Variants in TRPC3 observed in about 807,000 individuals in gnomAD.
TRPC3 encodes short transient receptor potential channel 3.
In TRPC3, 54 loss-of-function variants were observed where a neutral mutation model predicts 90.9. That is an observed-to-expected ratio of 0.59 (90% confidence interval 0.48 to 0.75). The LOEUF (loss-of-function observed/expected upper bound fraction) is 0.75, where lower values mean the gene tolerates loss of function less well. Among genes scored for constraint, TRPC3 ranks in the 30% least tolerant of loss-of-function variants. The pLI, the probability that TRPC3 is intolerant of heterozygous loss-of-function variation, is 0.00. For missense variants in TRPC3, 918 were observed against 1,194.5 expected (o/e 0.77, Z 3.41); for synonymous variants, 424 against 450.9 (o/e 0.94, Z 0.75).
At position 121,879,634 on chromosome 4, in the gene TRPC3, T is replaced by C. The variant is rs1578589686; in HGVS notation, c.*102A>G. ...TTAAAGGTTCACATGATAAAGGTAG[T>C]TAATACTAAAAATTTACATCATAGT... On this transcript the variant is annotated 3_prime_UTR_variant, in exon 12 of 12. Transcript: ENST00000379645. 1.6e-6 allele frequency: 2 copies of C among 1,286,660 alleles called. No homozygotes were observed. The highest frequency in any genetic ancestry group is 2.8e-5 in the South Asian group (2 of 70,312). 79.7% of individuals were successfully genotyped at this position (1,286,660 alleles called of 1,614,324 possible).
chr4:121,919,077 G>C (rs948931790), intron 3 of TRPC3, among the ~76,000 whole-genome samples: 1 of 152,210 alleles, frequency 6.6e-6, no homozygotes, highest in African/African-American at 2.4e-5. Context: ...GATTCAAAGA[G>C]AGAATGCTTG....
In TRPC3 at chr4:121,875,889, ATTTTTTTTT is replaced by A. The variant is rs1163932789; in HGVS notation, c.*3838_*3846del. ...ACAAAGTTATAAATACCCATTTTAG[ATTTTTTTTT>A]TTTTTTTTTTTTTTTTTTGTGGGGG... On this transcript the variant is annotated 3_prime_UTR_variant, in exon 12 of 12. Coordinates refer to ENST00000379645, the MANE Select transcript of TRPC3 (RefSeq NM_001130698.2). 1.9e-3 allele frequency among the ~76,000 whole-genome samples: 144 copies of A among 75,128 alleles called. No individual in the cohort carries two copies. The highest frequency in any genetic ancestry group is 0.029 in the Middle Eastern group (2 of 70). The allele number at this position is 75,128 out of a possible 152,430, so 49.3% of individuals were successfully genotyped here. A position where few individuals can be genotyped will look rare whatever the true frequency, so the allele number is the denominator to read the frequency against.
Position 121,932,987 on chromosome 4 carries a change from G to C in TRPC3, c.271C>G (p.Arg91Gly), listed in dbSNP as rs781691078. The C allele has an allele frequency of 6.5e-5, 105 of 1,609,286 alleles. No individual in the cohort carries two copies. Among genetic ancestry groups the C allele is most frequent in the Non-Finnish European group, 8.9e-5 (105 of 1,177,216 alleles). ...RRMTVMREKG[R>G]RQAVRGPAFM... The stretch of plus-strand genomic sequence containing the variant: ...GCCGGGCCCCTGACAGCCTGGCGCC[G>C]GCCCTTCTCCCGCATCACTGTCATG... Residue 91 changes from arginine to glycine, a missense_variant, in exon 2 of 12, where the codon CGG (arginine) becomes GGG (glycine). Arg to Gly is a moderately radical substitution (Grantham distance 125). Coordinates refer to ENST00000379645, the MANE Select transcript of TRPC3 (RefSeq NM_001130698.2). This position sits in a 1 kb window ranked among gnomAD's most constrained non-coding sequence, Gnocchi z 7.7.
chr4:121,883,979 CAAT>C (rs1382830928), intron 10 of TRPC3, among the ~76,000 whole-genome samples: 1 of 152,148 alleles, frequency 6.6e-6, no homozygotes, highest in Non-Finnish European at 1.5e-5. Flanking sequence ...AGACATACAA[CAAT>C]GTTTGTAGCA....
intron 10 of TRPC3, among the ~76,000 whole-genome samples, chr4:121,887,751 C>T (rs1460742388): frequency 6.6e-6 from 1 of 152,156 alleles, no homozygotes; most frequent in African/African-American, 2.4e-5. Context: ...TATTTCTTAA[C>T]ATATCATAGC....
chr4:121,882,279 T>G lies in TRPC3; in HGVS notation c.2623+75A>C. The G allele has an allele frequency of 6.0e-6, 8 of 1,342,496 alleles. 1 individual carries two copies. The South Asian group carries it at 8.2e-5, about 14-fold the overall frequency. 83.2% of individuals were successfully genotyped at this position (1,342,496 alleles called of 1,614,324 possible). ...ATAACCTGGGATTGGATTTTTAAAA[T>G]ATGCCTCAACATTAAGTTTTCCAGG... On this transcript the variant is annotated intron_variant, in intron 11 of 11. Transcript: ENST00000379645.
intron 10 of TRPC3, among the ~76,000 whole-genome samples, chr4:121,898,335 G>A (rs1210111431): frequency 6.6e-6 from 1 of 152,208 alleles, no homozygotes. Flanking sequence ...TGACAGGCTG[G>A]CAAGCGAGCA....
chr4:121,949,743 A>C (rs1304213965), intron 1 of TRPC3, among the ~76,000 whole-genome samples: 1 of 152,246 alleles, frequency 6.6e-6, no homozygotes, highest in Non-Finnish European at 1.5e-5. Flanking sequence ...AGTATACCAC[A>C]ACATTTACTT....
At chr4:121,889,716 T>C (rs1429243623) in intron 10 of TRPC3, among the ~76,000 whole-genome samples, 1 of 152,194 alleles carries the variant, frequency 6.6e-6, no homozygotes, top group Non-Finnish European at 1.5e-5. Context: ...AAAATCCTAC[T>C]ACTGGGTATA....
In TRPC3 at chr4:121,913,610, T is replaced by A. The variant is rs185108680; in HGVS notation, c.1341+1170A>T. On this transcript the variant is annotated intron_variant, in intron 4 of 11. Transcript: ENST00000379645. Reference sequence around the variant, plus strand: ...TTCTAAACCTGAACTTTCCAACTCATTTCCTTCAGAAAAGAAAATTATTTG... The same window carrying A: ...TTCTAAACCTGAACTTTCCAACTCAATTCCTTCAGAAAAGAAAATTATTTG... 1.9e-3 allele frequency among the ~76,000 whole-genome samples: 294 copies of A among 152,364 alleles called. 3 individuals are homozygous for A. The highest frequency in any genetic ancestry group is 6.9e-3 in the African/African-American group (285 of 41,594).
Position 121,882,404 on chromosome 4 carries a change from C to T in TRPC3, c.2573G>A (p.Arg858Gln). 1.9e-6 allele frequency: 3 copies of T among 1,610,214 alleles called. No individual in the cohort carries two copies. Among genetic ancestry groups the T allele is most frequent in the Non-Finnish European group, 2.5e-6 (3 of 1,178,504 alleles). Reference protein sequence around the residue: ...YQQIMKRLIKRYVLKAQVDKE... With the variant: ...YQQIMKRLIKQYVLKAQVDKE... The stretch of plus-strand genomic sequence containing the variant: ...GTCTACTTGTGCTTTCAAAACATAC[C>T]GCTTTATAAGTCTTTTCATTATCTG... Residue 858 changes from arginine (R) to glutamine (Q), a missense_variant, in exon 11 of 12, where the codon CGG (arginine) becomes CAG (glutamine). By Grantham distance (43) the Arg-to-Gln change is conservative. Around this residue, in one of 4 missense-constraint regions of TRPC3, gnomAD observed 121 missense variants for 135.7 expected, o/e 0.89. Coordinates refer to ENST00000379645, the MANE Select transcript of TRPC3 (RefSeq NM_001130698.2).
chr4:121,908,997 T>C (rs935405711), intron 6 of TRPC3, among the ~76,000 whole-genome samples: 3 of 152,138 alleles, frequency 2.0e-5, no homozygotes, highest in Non-Finnish European at 4.4e-5. Context: ...AGATTAAAAA[T>C]TGATCAAAAC....
At chr4:121,894,564 T>TTTG (rs1316735698) in intron 10 of TRPC3, among the ~76,000 whole-genome samples, 4 of 134,664 alleles carry the variant, frequency 3.0e-5, no homozygotes, top group African/African-American at 5.5e-5. Context: ...TGTTTTTTTT[T>TTTG]TTTTTTTTTT....
chr4:121,926,531 C>G (rs1003086594), intron 2 of TRPC3, among the ~76,000 whole-genome samples: 10 of 152,004 alleles, frequency 6.6e-5, no homozygotes, highest in Admixed American at 6.5e-4. Context: ...CTCAGCCTCC[C>G]GAGTAGCTGG....
At chr4:121,912,233 G>A in intron 4 of TRPC3, 140 bp from the exon 5 acceptor site, 1 of 662,906 alleles carries the variant, frequency 1.5e-6, no homozygotes, top group South Asian at 2.3e-5. Flanking sequence ...TTTATATTAT[G>A]AAAAATATTC....
intron 6 of TRPC3, among the ~76,000 whole-genome samples, chr4:121,908,233 T>C (rs1728955315): frequency 6.6e-6 from 1 of 152,146 alleles, no homozygotes; most frequent in Non-Finnish European, 1.5e-5. Flanking sequence ...TATTATGTGG[T>C]TAATTGTGCA....
intron 2 of TRPC3, among the ~76,000 whole-genome samples, chr4:121,929,305 G>A (rs1729816240): frequency 6.6e-6 from 1 of 151,926 alleles, no homozygotes; most frequent in Admixed American, 6.6e-5. Context: ...CTTCCTTACA[G>A]CTGTAGTGTG....
Position 121,903,054 on chromosome 4 carries a change from C to T in TRPC3, c.2261G>A (p.Ser754Asn). ...ACGAGCAAACTTCCATTCTACATCA[C>T]TGTCATCCTGTGTCACAAAAATAGA... Reference protein sequence around the residue: ...NSSYQEIEDDSDVEWKFARSK... With the variant: ...NSSYQEIEDDNDVEWKFARSK... The change falls in exon 9 of 12, where the codon AGT becomes AAT. Residue 754 changes from serine (S) to asparagine (N), a missense_variant. Around this residue, in one of 4 missense-constraint regions of TRPC3, gnomAD observed 121 missense variants for 135.7 expected, o/e 0.89. Transcript: ENST00000379645. 2 of 1,601,280 alleles carry T rather than the reference C, an allele frequency of 1.2e-6. No homozygotes were observed. The highest frequency in any genetic ancestry group is 1.7e-6 in the Non-Finnish European group (2 of 1,175,498).
chr4:121,905,315 C>T (rs749570098), intron 7 of TRPC3, among the ~76,000 whole-genome samples: 11 of 151,944 alleles, frequency 7.2e-5, no homozygotes, highest in African/African-American at 2.2e-4. Flanking sequence ...TCCCTGTAGA[C>T]GCCTCTCTAT....
Sources: allele counts gnomAD v4.1 joint callset (sites outside exome capture counted in the v4.1 genomes callset), GRCh38; gene constraint gnomAD v4.1.1; regional missense constraint gnomAD v4.1.1; non-coding constraint Gnocchi (gnomAD v3.1); transcripts MANE v1.5; gene names NCBI Gene and HGNC (gene_info 2026-07-23, HGNC 2026-07-21).